The following ADGRL3 variants were observed in gnomAD, a reference collection of about 807,000 sequenced individuals.
ADGRL3 encodes the protein calcium-independent alpha-latrotoxin receptor 3.
A neutral mutation model predicts 153.5 loss-of-function variants in ADGRL3; 62 were observed. The ratio of observed to expected loss-of-function variants is 0.40; its 90% CI spans 0.33 to 0.50. ADGRL3 has a LOEUF of 0.50. Among genes scored for constraint, ADGRL3 ranks in the 20% least tolerant of loss-of-function variants. ADGRL3 has a pLI of 0.47. For synonymous variants in ADGRL3, 710 were observed against 672.5 expected (o/e 1.06, Z -0.86); for missense variants, 1,641 against 1,859.4 (o/e 0.88, Z 2.16).
rs57365668 is a variant in ADGRL3 at position 61,566,903 on chromosome 4, C to T, written c.260-20324C>T. On this transcript the variant is annotated intron_variant, in intron 4 of 26. Transcript: ENST00000683033. ...AAATATAACATCCTAACTTATATAA[C>T]GTAGAATTACCCATATTGTCTCATC... is the stretch of plus-strand genomic sequence containing the variant. Among the ~76,000 whole-genome samples, 968 of 152,104 alleles carry T rather than the reference C, an allele frequency of 6.4e-3. 14 individuals carry two copies. Among genetic ancestry groups the T allele is most frequent in the African/African-American group, 0.022 (913 of 41,470 alleles).
intron 21 of ADGRL3, among the ~76,000 whole-genome samples, chr4:62,006,678 C>T (rs1320930161): frequency 1.4e-5 from 2 of 146,298 alleles, no homozygotes; most frequent in Admixed American, 1.4e-4. Flanking sequence ...AGCAAATTAT[C>T]CTGGTTTTCT....
chr4:61,274,930 A>C (rs2093389036), intron 1 of ADGRL3, among the ~76,000 whole-genome samples: 2 of 152,286 alleles, frequency 1.3e-5, no homozygotes, highest in South Asian at 4.1e-4. Flanking sequence ...CCTGTCTTCA[A>C]AACAAAACAA....
chr4:61,456,401 ATCTATATATATATAGATATATCTATATC>A (rs2097745345), intron 2 of ADGRL3, among the ~76,000 whole-genome samples: 1 of 77,926 alleles, frequency 1.3e-5, no homozygotes, highest in Non-Finnish European at 2.8e-5. Flanking sequence ...ATATATCTAT[ATCTATATATATATAGATATATCTATATC>A]TATATATATA....
chr4:61,787,556 A>G (rs1041666167), intron 8 of ADGRL3, among the ~76,000 whole-genome samples: 2 of 152,132 alleles, frequency 1.3e-5, no homozygotes, highest in Non-Finnish European at 2.9e-5. Context: ...AAAACCATCC[A>G]GTGGAATTTA....
chr4:62,005,341 A>G (rs1238986375), intron 21 of ADGRL3, among the ~76,000 whole-genome samples: 1 of 152,190 alleles, frequency 6.6e-6, no homozygotes, highest in African/African-American at 2.4e-5. Context: ...GCATAAGTGT[A>G]TTTAACATAT....
chr4:61,606,472 T>G (rs2099032862), intron 5 of ADGRL3, among the ~76,000 whole-genome samples: 1 of 152,158 alleles, frequency 6.6e-6, no homozygotes, highest in African/African-American at 2.4e-5. Context: ...TTCCTTGGCT[T>G]GTAGACAGAC....
chr4:61,672,590 C>T (rs1015785394), intron 5 of ADGRL3, among the ~76,000 whole-genome samples: 6 of 152,046 alleles, frequency 3.9e-5, no homozygotes, highest in African/African-American at 2.4e-5. Context: ...CTTCACTAAT[C>T]GTCAGGGAAA....
chr4:61,356,275 T>C (rs1456757353), intron 1 of ADGRL3, among the ~76,000 whole-genome samples: 1 of 152,078 alleles, frequency 6.6e-6, no homozygotes, highest in Non-Finnish European at 1.5e-5. Flanking sequence ...TAAGAGTACA[T>C]TTAAGCCTTA....
chr4:62,029,556 C>A lies in ADGRL3; in HGVS notation c.3422+675C>A, dbSNP rs550733223. On this transcript the variant is annotated intron_variant, in intron 22 of 26. Coordinates refer to ENST00000683033, the MANE Select transcript of ADGRL3 (RefSeq NM_001387552.1). Reference sequence around the variant, plus strand: ...TTTTCGGATGCATACTTTAAAATTACAAGTCCTGCAAGAATAAACTAAGAT... The same window carrying A: ...TTTTCGGATGCATACTTTAAAATTAAAAGTCCTGCAAGAATAAACTAAGAT... Among the ~76,000 whole-genome samples, 14 of 151,732 alleles carry A rather than the reference C, an allele frequency of 9.2e-5. No homozygotes were observed. The South Asian group carries it at 2.1e-3, about 22-fold the overall frequency.
chr4:61,621,931 G>T (rs1245362719), intron 5 of ADGRL3, among the ~76,000 whole-genome samples: 1 of 152,076 alleles, frequency 6.6e-6, no homozygotes, highest in Admixed American at 6.5e-5. Flanking sequence ...AGAAATTATT[G>T]TTTTTGTCTA....
chr4:61,791,895 G>A (rs1369256934), intron 8 of ADGRL3, among the ~76,000 whole-genome samples: 4 of 152,134 alleles, frequency 2.6e-5, no homozygotes. Flanking sequence ...TAGAGCAGCT[G>A]GGACACAGGG....
At chr4:61,657,617 C>A (rs757990436) in intron 5 of ADGRL3, among the ~76,000 whole-genome samples, 1 of 152,058 alleles carries the variant, frequency 6.6e-6, no homozygotes, top group Non-Finnish European at 1.5e-5. Context: ...ACTTAACCAA[C>A]TACAGTTACC....
intron 25 of ADGRL3, among the ~76,000 whole-genome samples, chr4:62,055,401 T>A (rs537753533): frequency 5.3e-5 from 8 of 151,854 alleles, no homozygotes; most frequent in African/African-American, 1.9e-4. Flanking sequence ...TCCAAACCAT[T>A]TGAATGAAAT....
intron 2 of ADGRL3, among the ~76,000 whole-genome samples, chr4:61,472,346 CT>C: frequency 6.6e-6 from 1 of 152,190 alleles, no homozygotes; most frequent in Middle Eastern, 3.4e-3. Flanking sequence ...ACTAGTGCCT[CT>C]GACTCAGTGT....
At chr4:61,208,381 T>C (rs1738310650) in intron 1 of ADGRL3, among the ~76,000 whole-genome samples, 1 of 152,194 alleles carries the variant, frequency 6.6e-6, no homozygotes, top group African/African-American at 2.4e-5. Context: ...GGTAAATCTA[T>C]GCAGAGTCCT....
chr4:61,858,502 T>C (rs1467168989), intron 9 of ADGRL3, among the ~76,000 whole-genome samples: 1 of 152,076 alleles, frequency 6.6e-6, no homozygotes, highest in Non-Finnish European at 1.5e-5. Context: ...GTGCATGCAA[T>C]CCCAGCTACT....
chr4:61,631,615 A>C (rs1487519055), intron 5 of ADGRL3, among the ~76,000 whole-genome samples: 1 of 152,152 alleles, frequency 6.6e-6, no homozygotes. Context: ...TAAAATAATT[A>C]TTACAAAATA....
intron 6 of ADGRL3, among the ~76,000 whole-genome samples, chr4:61,708,729 C>T (rs1436296588): frequency 1.3e-5 from 2 of 151,850 alleles, no homozygotes; most frequent in African/African-American, 2.4e-5. Context: ...CGGGTTTTTT[C>T]AGCTAAAAAT....
At chr4:61,741,614 C>T (rs915186282) in intron 8 of ADGRL3, among the ~76,000 whole-genome samples, 25 of 152,302 alleles carry the variant, frequency 1.6e-4, no homozygotes, top group Admixed American at 7.8e-4. Context: ...TTTTCTCTTA[C>T]GCTTTTTTTT....
Sources: gnomAD v4.1 joint callset for allele counts (sites outside exome capture counted in the v4.1 genomes callset) on GRCh38, gnomAD v4.1.1 for gene constraint, MANE v1.5 for transcripts, NCBI Gene and HGNC (gene_info 2026-07-23, HGNC 2026-07-21) for gene names.